The following DMPK variants were observed in gnomAD, a reference collection of about 807,000 sequenced individuals.
DMPK encodes DM1 protein kinase, also known as myotonin-protein kinase.
Under a neutral mutation model 70.3 loss-of-function variants are expected in DMPK, and 32 were observed. The ratio of observed to expected loss-of-function variants is 0.46; its 90% CI spans 0.34 to 0.61. The LOEUF (loss-of-function observed/expected upper bound fraction) is 0.61. Among genes scored for constraint, DMPK ranks in the 20% least tolerant of loss-of-function variants. DMPK has a pLI of 0.01. For missense variants in DMPK, 899 were observed against 886.0 expected, an observed-to-expected ratio of 1.01 and a Z score of -0.19; for synonymous variants, 469 against 390.9, an observed-to-expected ratio of 1.20 and a Z score of -2.36.
At chr19:45,779,139 A>G in intron 4 of DMPK, 125 bp downstream of exon 4, 4 of 968,844 alleles carry the variant, frequency 4.1e-6, no homozygotes, top group Non-Finnish European at 6.6e-6. Context: ...CTTACCGCAC[A>G]CAGACTTTCC....
rs1201391260 is a variant in DMPK at position 45,771,641 on chromosome 19, C to T, written c.1527G>A (p.Arg509=). 1 of 1,614,040 alleles carries T rather than the reference C, an allele frequency of 6.2e-7. No individual in the cohort carries two copies. The highest frequency in any genetic ancestry group is 8.5e-7 in the Non-Finnish European group (1 of 1,179,958). ...GGACGTGTGCCTCTAGGTCCCGGTT[C>T]CGAGCCTCTGCCTCGCGTAGTTGAC... is the stretch of plus-strand genomic sequence containing the variant. ...FASQLREAEA[R]NRDLEAHVRQ... The change falls in exon 12 of 15, where the codon CGG becomes CGA. Residue 509 remains arginine (R), a synonymous_variant. Transcript: ENST00000291270.
intron 14 of DMPK, 146 bp downstream of exon 14, chr19:45,770,825 T>G: frequency 1.0e-6 from 1 of 956,796 alleles, no homozygotes; most frequent in Non-Finnish European, 1.5e-6. Context: ...ATTGGCTGCT[T>G]CCTAGCGGCC....
chr19:45,780,671 A>T, intron 1 of DMPK: 1 of 839,404 alleles, frequency 1.2e-6, no homozygotes, highest in Non-Finnish European at 1.4e-6. Context: ...GGATGGAGAG[A>T]GGGATGGGTA....
intron 1 of DMPK, chr19:45,780,677 G>A: frequency 1.1e-6 from 1 of 916,418 alleles, no homozygotes; most frequent in South Asian, 4.4e-5. Context: ...AGAGAGGGAT[G>A]GGTATGGGAG....
At chr19:45,778,330 G>A (rs956637868) in intron 5 of DMPK, 110 bp from the exon 6 acceptor site, 60 of 1,361,248 alleles carry the variant, frequency 4.4e-5, no homozygotes, top group African/African-American at 1.6e-4. Context: ...CTCGGGTTCC[G>A]CCCCTGTAGG....
In DMPK at chr19:45,779,484, A is replaced by G. The variant is rs1210664838; in HGVS notation, c.291T>C (p.Tyr97=). The change falls in exon 3 of 15, where the codon TAT becomes TAC. Residue 97 remains tyrosine (Y), a synonymous_variant. Coordinates refer to ENST00000291270, the MANE Select transcript of DMPK (RefSeq NM_004409.5). ...VVKMKQTGQV[Y]AMKIMNKWDM... ...CCCACTTGTTCATGATCTTCATGGC[A>G]TACACCTGGCCCGTCTGCTTCATCT... The G allele has an allele frequency of 6.2e-7, 1 of 1,613,816 alleles. No homozygotes were observed. The highest frequency in any genetic ancestry group is 2.2e-5 in the East Asian group (1 of 44,878).
chr19:45,782,282 G>A lies in DMPK; in HGVS notation c.71C>T (p.Pro24Leu). 6.2e-7 allele frequency: 1 copy of A among 1,603,112 alleles called. No homozygotes were observed. Among genetic ancestry groups the A allele is most frequent in the Non-Finnish European group, 8.5e-7 (1 of 1,175,938 alleles). The part of the protein sequence containing the change: ...VLDPGFLGLE[P>L]LLDLLLGVHQ... The stretch of plus-strand genomic sequence containing the variant: ...GACGCCCAGGAGAAGGTCGAGCAGG[G>A]GCTCCAGCCCCAGGAAGCCCGGGTC... Residue 24 changes from proline to leucine, a missense_variant, in exon 1 of 15, where the codon CCC becomes CTC. Physicochemically the swap from Pro to Leu is moderately conservative, Grantham distance 98. Coordinates refer to ENST00000291270, the MANE Select transcript of DMPK (RefSeq NM_004409.5).
chr19:45,779,941 C>T lies in DMPK; in HGVS notation c.161-72G>A, dbSNP rs377048280. ...ACTGGAGACAAGGGGGAAAGCCCCA[C>T]CCTCTGTCTGTCTCCCCTTCTCTCT... is the stretch of plus-strand genomic sequence containing the variant. On this transcript the variant is annotated intron_variant, in intron 1 of 14. Transcript: ENST00000291270. 6 of 1,607,692 alleles carry T rather than the reference C, an allele frequency of 3.7e-6. No homozygotes were observed. In the African/African-American group the frequency reaches 8.0e-5, roughly 22 times the overall value.
Position 45,774,972 on chromosome 19 carries a change from G to A in DMPK, c.1209C>T (p.Tyr403=). ...PLGVHLPFVG[Y]SYSCMALRDS... is the part of the protein sequence containing the mutation. ...ACCTGAGGGCCATGCAGGAGTAGGA[G>A]TAGCCCACAAAAGGCAGGTGGACCC... The change falls in exon 9 of 15, where the codon TAC becomes TAT. Residue 403 remains tyrosine (Y), a synonymous_variant. Transcript: ENST00000291270. The A allele has an allele frequency of 6.2e-7, 1 of 1,613,962 alleles. No homozygotes were observed. The highest frequency in any genetic ancestry group is 8.5e-7 in the Non-Finnish European group (1 of 1,179,974).
chr19:45,781,835 G>T (rs867459242), intron 1 of DMPK, among the ~76,000 whole-genome samples: 5 of 152,252 alleles, frequency 3.3e-5, no homozygotes, highest in Middle Eastern at 6.8e-3. Flanking sequence ...GCCCACTTTT[G>T]GGGGGAGGGT....
rs1168307572 is a variant in DMPK at position 45,779,166 on chromosome 19, C to G, written c.432+98G>C. On this transcript the variant is annotated intron_variant, in intron 4 of 14. Transcript: ENST00000291270. ...AGACTTTCCCACAGACGTTTCCGGG[C>G]AGCACCCCCAATCCTAGAGCTTCCT... 4 of 1,258,442 alleles carry G rather than the reference C, an allele frequency of 3.2e-6. No individual in the cohort carries two copies. The African/African-American group carries it at 4.4e-5, about 14-fold the overall frequency. The allele number at this position is 1,258,442 out of a possible 1,614,324, so 78.0% of individuals were successfully genotyped here.
rs1018467050 is a variant in DMPK, at chr19:45,779,794, C to A, written c.236G>T (p.Arg79Leu). 5.1e-6 allele frequency: 8 copies of A among 1,565,604 alleles called. No individual in the cohort carries two copies. The highest frequency in any genetic ancestry group is 6.9e-6 in the Non-Finnish European group (8 of 1,153,872). The change falls in exon 2 of 15, where the codon CGC becomes CTC. Residue 79 changes from arginine to leucine, a missense_variant. This residue lies in a region of DMPK where 149 missense variants were observed against 142.5 expected (regional missense o/e 1.05). Coordinates refer to ENST00000291270, the MANE Select transcript of DMPK (RefSeq NM_004409.5). ...TCGGCTTACCTCGCTGAACGCCCCG[C>A]GTCCGATCACCTTCAGAATCTCGAA... is the stretch of plus-strand genomic sequence containing the variant. ...DDFEILKVIG[R>L]GAFSEVAVVK...
rs1017110853 is a variant in DMPK, at chr19:45,772,942, G to A, written c.1233-190C>T. On this transcript the variant is annotated intron_variant, in intron 9 of 14. Transcript: ENST00000291270. ...CCCTCCTCTGCTTAGGAAAAGCCCT[G>A]CCCCTCTCCTGGCCTTGGGCCCCTG... 2.6e-5 allele frequency among the ~76,000 whole-genome samples: 4 copies of A among 152,312 alleles called. No homozygotes were observed. The East Asian group carries it at 7.7e-4, about 29-fold the overall frequency.
In DMPK at chr19:45,771,573, G is replaced by A. The variant is rs771182555; in HGVS notation, c.1595C>T (p.Ala532Val). The change falls in exon 12 of 15, where the codon GCC (alanine) becomes GTC (valine). Residue 532 changes from alanine (A) to valine (V), a missense_variant. Coordinates refer to ENST00000291270, the MANE Select transcript of DMPK (RefSeq NM_004409.5). ...ERMELLQAEG[A>V]TAVTGVPSPR... ...GGGACACATGAGGGACTCACCTGTGGCTCCCTCTGCCTGCAGCAACTCCAT... is the reference window on the plus strand; with the variant it reads ...GGGACACATGAGGGACTCACCTGTGACTCCCTCTGCCTGCAGCAACTCCAT... 43 of 1,613,916 alleles carry A rather than the reference G, an allele frequency of 2.7e-5. No individual in the cohort carries two copies. The South Asian group carries it at 4.4e-4, about 16-fold the overall frequency.
In DMPK at chr19:45,770,154, C is replaced by A; in HGVS notation, c.*334G>T. Reference sequence around the variant, plus strand: ...TTCCCAGGCCTGCAGTTTGCCCATCCACGTCAGGGCCTCAGCCTGGCCGAA... The same window carrying A: ...TTCCCAGGCCTGCAGTTTGCCCATCAACGTCAGGGCCTCAGCCTGGCCGAA... On this transcript the variant is annotated 3_prime_UTR_variant, in exon 15 of 15. Transcript: ENST00000291270. 1.6e-6 allele frequency: 1 copy of A among 629,712 alleles called. No homozygotes were observed. The highest frequency in any genetic ancestry group is 2.7e-6 in the Non-Finnish European group (1 of 374,590). 39.0% of individuals were successfully genotyped at this position (629,712 alleles called of 1,614,324 possible). A position where few individuals can be genotyped will look rare whatever the true frequency, so the allele number is the denominator to read the frequency against.
In DMPK at chr19:45,770,264, G is replaced by GCAGCAGCAGCAGCAGCAT. The variant is rs1372172399; in HGVS notation, c.*223_*224insATGCTGCTGCTGCTGCTG. The GCAGCAGCAGCAGCAGCAT allele has an allele frequency of 3.2e-5, 26 of 811,158 alleles. No individual in the cohort carries two copies. Among genetic ancestry groups the GCAGCAGCAGCAGCAGCAT allele is most frequent in the Non-Finnish European group, 4.8e-5 (24 of 504,050 alleles). 50.2% of individuals were successfully genotyped at this position (811,158 alleles called of 1,614,324 possible). On this transcript the variant is annotated 3_prime_UTR_variant, in exon 15 of 15. Transcript: ENST00000291270. ...AGCAGCAGCAGCAGCAGCAGCAGCA[G>GCAGCAGCAGCAGCAGCAT]CATTCCCGGCTACAAGGACCCTTCG...
chr19:45,770,738 T>TGCGCC, intron 14 of DMPK, 98 bp from the exon 15 acceptor site: 1 of 1,366,556 alleles, frequency 7.3e-7, no homozygotes, highest in Non-Finnish European at 9.9e-7. Flanking sequence ...CACTCTTCCC[T>TGCGCC]GCGCCCCGCC....
At chr19:45,778,899 G>C in intron 4 of DMPK, 1 of 552,696 alleles carries the variant, frequency 1.8e-6, no homozygotes. Context: ...GAGATGTTCT[G>C]GGAAAGAGAA....
chr19:45,770,637 G>A lies in DMPK; in HGVS notation c.1741C>T (p.Pro581Ser), dbSNP rs1969339334. ...RRHLLLPARV[P>S]RPGLSEALSL... ...AGCGCCTCCGATAGGCCAGGCCTAG[G>A]GACCTGCGGGGAGAGGGCGAGGTCA... The change falls in exon 15 of 15, where the codon CCT becomes TCT. Residue 581 changes from proline to serine, a missense_variant. By Grantham distance (74) the Pro-to-Ser change is moderately conservative. Around this residue, in one of 3 missense-constraint regions of DMPK, gnomAD observed 555 missense variants for 483.8 expected, o/e 1.15. Coordinates refer to ENST00000291270, the MANE Select transcript of DMPK (RefSeq NM_004409.5). 1 of 1,551,232 alleles carries A rather than the reference G, an allele frequency of 6.4e-7. No individual in the cohort carries two copies. Among genetic ancestry groups the A allele is most frequent in the Non-Finnish European group, 8.7e-7 (1 of 1,147,330 alleles).
Sources: gnomAD v4.1 joint callset for allele counts (sites outside exome capture counted in the v4.1 genomes callset) on GRCh38, gnomAD v4.1.1 for gene constraint, gnomAD v4.1.1 regional missense constraint, MANE v1.5 for transcripts, NCBI Gene and HGNC (gene_info 2026-07-23, HGNC 2026-07-21) for gene names.